Variants in NR3C2 observed in about 807,000 individuals in gnomAD.
NR3C2 encodes the protein mineralocorticoid receptor.
A neutral mutation model predicts 86.4 loss-of-function variants in NR3C2; 15 were observed. The ratio of observed to expected loss-of-function variants is 0.17; its 90% confidence interval spans 0.12 to 0.27. The LOEUF (loss-of-function observed/expected upper bound fraction) is 0.27. Among genes scored for constraint, NR3C2 ranks in the 10% least tolerant of loss-of-function variants. The pLI is 1.00. For synonymous variants in NR3C2, 458 were observed against 450.5 expected (o/e 1.02, Z -0.21); for missense variants, 960 against 1,195.6 (o/e 0.80, Z 2.91).
chr4:148,412,408 G>C (rs1018786712), intron 2 of NR3C2, among the ~76,000 whole-genome samples: 3 of 152,126 alleles, frequency 2.0e-5, no homozygotes, highest in Non-Finnish European at 4.4e-5. Context: ...GAATACATAA[G>C]TGAAGTAAAA....
chr4:148,195,593 GATA>G (rs751623448), intron 3 of NR3C2, among the ~76,000 whole-genome samples: 26 of 152,182 alleles, frequency 1.7e-4, no homozygotes, highest in Non-Finnish European at 1.8e-4. Flanking sequence ...TAAGATGTCA[GATA>G]ATAATAAGCA....
intron 2 of NR3C2, among the ~76,000 whole-genome samples, chr4:148,371,929 C>T (rs1176677538): frequency 6.6e-6 from 1 of 152,112 alleles, no homozygotes; most frequent in Non-Finnish European, 1.5e-5. Flanking sequence ...TATTTCTATG[C>T]CCTTGATTTT....
rs766185836 is a variant in NR3C2, at chr4:148,436,650, G to C, written c.211C>G (p.Leu71Val). 1 of 1,614,194 alleles carries C rather than the reference G, an allele frequency of 6.2e-7. No individual in the cohort carries two copies. Residue 71 changes from leucine (L) to valine (V), a missense_variant, in exon 2 of 9, where the codon CTC becomes GTC. Physicochemically the swap from Leu to Val is conservative, Grantham distance 32. Around this residue, in one of 4 missense-constraint regions of NR3C2, gnomAD observed 680 missense variants for 719.0 expected, o/e 0.95. Coordinates refer to ENST00000358102, the MANE Select transcript of NR3C2 (RefSeq NM_000901.5). The part of the protein sequence containing the change: ...QGSSKEKQEL[L>V]PCLQQDNNRP... ...TTATTGTCTTGCTGAAGGCAAGGGA[G>C]TAGTTCTTGTTTTTCTTTGCTGCTT...
intron 3 of NR3C2, among the ~76,000 whole-genome samples, chr4:148,203,606 T>C (rs974996950): frequency 9.2e-5 from 14 of 151,828 alleles, no homozygotes; most frequent in Admixed American, 2.0e-4. Context: ...CCCCAGCAAA[T>C]TCCCGCATTG....
intron 2 of NR3C2, among the ~76,000 whole-genome samples, chr4:148,278,846 T>C (rs775874413): frequency 5.3e-5 from 8 of 151,800 alleles, no homozygotes; most frequent in Non-Finnish European, 4.4e-5. Flanking sequence ...AAATGCAAAC[T>C]ACTCACCAAT....
chr4:148,293,977 G>C (rs1248414852), intron 2 of NR3C2, among the ~76,000 whole-genome samples: 1 of 152,126 alleles, frequency 6.6e-6, no homozygotes, highest in Non-Finnish European at 1.5e-5. Flanking sequence ...AAATCATAAA[G>C]TTGTCTTGTA....
chr4:148,199,177 G>A (rs1293689466), intron 3 of NR3C2, among the ~76,000 whole-genome samples: 2 of 151,724 alleles, frequency 1.3e-5, no homozygotes, highest in Non-Finnish European at 2.9e-5. Flanking sequence ...TCCTGTGGGA[G>A]CAGAATGTCG....
rs1342878845 is a variant in NR3C2, at chr4:148,241,320, AAAAAAAAAAAAAAG to A, written c.1897+18644_1897+18657del. ...AACTCTGTCTCAAAAAAAAAAAAAA[AAAAAAAAAAAAAAG>A]GGGAAAAATAAAATCTAATCTCCCT... On this transcript the variant is annotated intron_variant, in intron 3 of 8. Transcript: ENST00000358102. Among the ~76,000 whole-genome samples, 9 of 146,604 alleles carry A rather than the reference AAAAAAAAAAAAAAG, an allele frequency of 6.1e-5. 1 individual carries two copies. Among genetic ancestry groups the A allele is most frequent in the East Asian group, 3.9e-4 (2 of 5,078 alleles).
rs939818781 is a variant in NR3C2 at position 148,436,263 on chromosome 4, T to C, written c.598A>G (p.Met200Val). 15 of 1,614,008 alleles carry C rather than the reference T, an allele frequency of 9.3e-6. No individual in the cohort carries two copies. The East Asian group carries it at 1.8e-4, about 19-fold the overall frequency. ...GCAGGGCTGCAAACCGAAGATGTCA[T>C]GTTCAGAGGGCTGCAAACAGACGGG... is the stretch of plus-strand genomic sequence containing the variant. ...KSPSVCSPLN[M>V]TSSVCSPAGI... The change falls in exon 2 of 9, where the codon ATG (methionine) becomes GTG (valine). Residue 200 changes from methionine to valine, a missense_variant. Around this residue, in one of 4 missense-constraint regions of NR3C2, gnomAD observed 680 missense variants for 719.0 expected, o/e 0.95. Transcript: ENST00000358102.
intron 3 of NR3C2, among the ~76,000 whole-genome samples, chr4:148,247,873 C>T (rs1361546747): frequency 6.6e-6 from 1 of 152,022 alleles, no homozygotes; most frequent in Non-Finnish European, 1.5e-5. Flanking sequence ...GTTCTAAGTT[C>T]TGAACCTGGT....
chr4:148,316,274 CTGAA>C (rs1743168238), intron 2 of NR3C2, among the ~76,000 whole-genome samples: 1 of 152,046 alleles, frequency 6.6e-6, no homozygotes, highest in Non-Finnish European at 1.5e-5. Flanking sequence ...TGTGGTATAA[CTGAA>C]TAATTTTGGT....
At chr4:148,125,293 T>C (rs1732690462) in intron 6 of NR3C2, among the ~76,000 whole-genome samples, 1 of 152,268 alleles carries the variant, frequency 6.6e-6, no homozygotes, top group African/African-American at 2.4e-5. Context: ...TTCCTTGCCA[T>C]GCTGGCTGGT....
At chr4:148,103,036 T>C (rs1731610674) in intron 8 of NR3C2, among the ~76,000 whole-genome samples, 1 of 152,100 alleles carries the variant, frequency 6.6e-6, no homozygotes, top group Non-Finnish European at 1.5e-5. Context: ...TACAAGGACA[T>C]TCTCTATTTC....
At chr4:148,414,776 TATAAA>T (rs1748911926) in intron 2 of NR3C2, among the ~76,000 whole-genome samples, 1 of 152,214 alleles carries the variant, frequency 6.6e-6, no homozygotes. Flanking sequence ...CCTTTTGCCT[TATAAA>T]ATATTTAGTT....
intron 2 of NR3C2, among the ~76,000 whole-genome samples, chr4:148,374,305 C>A (rs1746567430): frequency 6.6e-6 from 1 of 152,108 alleles, no homozygotes; most frequent in South Asian, 2.1e-4. Context: ...TTCATAAATT[C>A]CAGTCTCTTA....
rs1737406659 is a variant in NR3C2, at chr4:148,213,986, A to G, written c.1898-19124T>C. Reference sequence around the variant, plus strand: ...TTTCACTTCTTATGGAAGAAAATACAGGGGTTTTCATTCTAACTAGGACTT... The same window carrying G: ...TTTCACTTCTTATGGAAGAAAATACGGGGGTTTTCATTCTAACTAGGACTT... On this transcript the variant is annotated intron_variant, in intron 3 of 8. Coordinates refer to ENST00000358102, the MANE Select transcript of NR3C2 (RefSeq NM_000901.5). 1.3e-5 allele frequency among the ~76,000 whole-genome samples: 2 copies of G among 152,264 alleles called. 1 individual carries two copies. Among genetic ancestry groups the G allele is most frequent in the South Asian group, 4.1e-4 (2 of 4,834 alleles).
chr4:148,399,705 CACACAT>C (rs1161085404), intron 2 of NR3C2, among the ~76,000 whole-genome samples: 2 of 151,350 alleles, frequency 1.3e-5, no homozygotes, highest in African/African-American at 2.4e-5. Flanking sequence ...CACACACACA[CACACAT>C]ACATATATAC....
chr4:148,133,530 C>T (rs965250094), intron 6 of NR3C2, among the ~76,000 whole-genome samples: 5 of 152,180 alleles, frequency 3.3e-5, no homozygotes, highest in Admixed American at 2.0e-4. Flanking sequence ...AATTTAGAAA[C>T]GTTACCAGAC....
intron 3 of NR3C2, among the ~76,000 whole-genome samples, chr4:148,237,671 G>GTTT (rs138670744): frequency 3.5e-5 from 5 of 143,610 alleles, no homozygotes; most frequent in African/African-American, 1.3e-4. Context: ...AACAAAATGG[G>GTTT]TTTTTTTTTT....
Sources: allele counts gnomAD v4.1 joint callset (sites outside exome capture counted in the v4.1 genomes callset), GRCh38; gene constraint gnomAD v4.1.1; regional missense constraint gnomAD v4.1.1; transcripts MANE v1.5; gene names NCBI Gene and HGNC (gene_info 2026-07-23, HGNC 2026-07-21).